TECRL: variants seen among roughly 807,000 people sequenced by gnomAD.
The protein encoded by TECRL is trans-2,3-enoyl-CoA reductase-like.
A neutral mutation model predicts 52.8 loss-of-function variants in TECRL; 63 were observed. The ratio of observed to expected loss-of-function variants is 1.19; its 90% CI spans 0.97 to 1.47. The LOEUF is 1.47. Among genes scored for constraint, TECRL ranks in the 40% most tolerant of loss-of-function variants. The pLI is 0.00. For missense variants in TECRL, 482 were observed against 429.6 expected (o/e 1.12, Z -1.08); for synonymous variants, 164 against 141.9 (o/e 1.16, Z -1.10).
chr4:64,284,389 C>T (rs747415264), intron 9 of TECRL, among the ~76,000 whole-genome samples: 25 of 151,998 alleles, frequency 1.6e-4, no homozygotes, highest in Non-Finnish European at 2.2e-4. Context: ...TTTTTACCCT[C>T]GTTTCGTGTT....
chr4:64,321,188 C>A (rs1163737030), intron 4 of TECRL, among the ~76,000 whole-genome samples: 2 of 151,550 alleles, frequency 1.3e-5, no homozygotes, highest in Non-Finnish European at 2.9e-5. Context: ...GGAAATATAT[C>A]TTAAAAAGAA....
chr4:64,354,556 G>C (rs903748349), intron 2 of TECRL, among the ~76,000 whole-genome samples: 1 of 152,174 alleles, frequency 6.6e-6, no homozygotes, highest in African/African-American at 2.4e-5. Flanking sequence ...TGATATAGCA[G>C]AGAATGAACA....
chr4:64,351,237 G>C (rs1307828483), intron 2 of TECRL, among the ~76,000 whole-genome samples: 3 of 150,998 alleles, frequency 2.0e-5, no homozygotes, highest in Admixed American at 6.7e-5. Context: ...TTGCAGAATA[G>C]AGTGACTGTA....
chr4:64,374,455 C>T (rs112012172), intron 2 of TECRL, among the ~76,000 whole-genome samples: 1,953 of 151,482 alleles, frequency 0.013, 22 homozygotes, highest in Non-Finnish European at 0.02. Flanking sequence ...TACATGTGCA[C>T]AATGTGCAGG....
intron 5 of TECRL, among the ~76,000 whole-genome samples, chr4:64,312,581 A>G (rs1351452209): frequency 6.6e-6 from 1 of 151,944 alleles, no homozygotes; most frequent in Non-Finnish European, 1.5e-5. Context: ...GGGCAACATA[A>G]TGAGACTTCA....
At chr4:64,379,253 C>CACACACACACACACACACATAT (rs1560542995) in intron 1 of TECRL, among the ~76,000 whole-genome samples, 3 of 37,624 alleles carry the variant, frequency 8.0e-5, no homozygotes, top group African/African-American at 2.1e-4. Flanking sequence ...CACATACACA[C>CACACACACACACACACACATAT]ACACACACAC....
chr4:64,406,973 T>C (rs1025061491), intron 1 of TECRL, among the ~76,000 whole-genome samples: 56 of 150,042 alleles, frequency 3.7e-4, no homozygotes, highest in African/African-American at 1.3e-3. Context: ...AAATCAGTCT[T>C]TTTTATGTTT....
At chr4:64,348,011 C>T (rs442596) in intron 2 of TECRL, among the ~76,000 whole-genome samples, 147,811 of 152,268 alleles carry the variant, frequency 0.97, 71,784 homozygotes, top group East Asian at 1. Context: ...CTTCTACTCA[C>T]TACCCAGTTC....
intron 2 of TECRL, among the ~76,000 whole-genome samples, chr4:64,334,044 A>AAAAAAAAAAAAAAAAAAAG (rs1560507056): frequency 8.4e-6 from 1 of 119,444 alleles, no homozygotes; most frequent in Non-Finnish European, 1.7e-5. Flanking sequence ...AAAAAAAAAA[A>AAAAAAAAAAAAAAAAAAAG]AAAAAGAAAA....
At chr4:64,306,728 T>A (rs534423549) in intron 6 of TECRL, among the ~76,000 whole-genome samples, 6 of 152,296 alleles carry the variant, frequency 3.9e-5, no homozygotes, top group Admixed American at 1.3e-4. Flanking sequence ...GTGACTATTC[T>A]CCTCTCCATC....
At chr4:64,301,642 GA>G (rs1724027345) in intron 7 of TECRL, among the ~76,000 whole-genome samples, 1 of 151,164 alleles carries the variant, frequency 6.6e-6, no homozygotes. Flanking sequence ...TAAAATAACT[GA>G]AAAGGATATC....
At chr4:64,288,903 T>G (rs1345283746) in intron 9 of TECRL, among the ~76,000 whole-genome samples, 2 of 152,186 alleles carry the variant, frequency 1.3e-5, no homozygotes, top group African/African-American at 4.8e-5. Context: ...AAAAGTTGAA[T>G]GAATTGGATT....
intron 1 of TECRL, among the ~76,000 whole-genome samples, chr4:64,399,519 T>G (rs1724201237): frequency 1.3e-5 from 2 of 152,058 alleles, no homozygotes; most frequent in African/African-American, 4.8e-5. Context: ...GGAAGGCATC[T>G]CAAATATCTA....
At chr4:64,370,792 A>G (rs1721922140) in intron 2 of TECRL, among the ~76,000 whole-genome samples, 1 of 151,888 alleles carries the variant, frequency 6.6e-6, no homozygotes, top group African/African-American at 2.4e-5. Context: ...GATCCATGAT[A>G]TTTATGATGA....
chr4:64,373,762 T>C (rs1468774029), intron 2 of TECRL, among the ~76,000 whole-genome samples: 2 of 151,412 alleles, frequency 1.3e-5, no homozygotes, highest in Non-Finnish European at 3.0e-5. Context: ...CTAAACTGTC[T>C]GGAGACACTT....
intron 2 of TECRL, among the ~76,000 whole-genome samples, chr4:64,331,355 T>C (rs747008426): frequency 6.6e-6 from 1 of 152,132 alleles, no homozygotes; most frequent in Non-Finnish European, 1.5e-5. Flanking sequence ...AATGGTGATC[T>C]CAAGCTGTAA....
chr4:64,284,315 A>G (rs887946572), intron 9 of TECRL, among the ~76,000 whole-genome samples: 1 of 152,020 alleles, frequency 6.6e-6, no homozygotes, highest in Non-Finnish European at 1.5e-5. Context: ...TTAGAGAAAT[A>G]GGAATCCTAG....
intron 2 of TECRL, among the ~76,000 whole-genome samples, chr4:64,356,107 A>T (rs4860593): frequency 1.3e-5 from 2 of 151,854 alleles, no homozygotes; most frequent in African/African-American, 2.4e-5. Flanking sequence ...GTTTACAAGC[A>T]GTATGCTTGG....
chr4:64,368,347 G>T (rs1182900068), intron 2 of TECRL, among the ~76,000 whole-genome samples: 2 of 152,236 alleles, frequency 1.3e-5, no homozygotes, highest in South Asian at 4.1e-4. Context: ...CCAGGCTGGA[G>T]TGCAATGGCA....
Sources: gnomAD v4.1 joint callset for allele counts (sites outside exome capture counted in the v4.1 genomes callset) on GRCh38, gnomAD v4.1.1 for gene constraint, MANE v1.5 for transcripts, NCBI Gene and HGNC (gene_info 2026-07-23, HGNC 2026-07-21) for gene names.